The following SPRY3 variants were observed in gnomAD, a reference collection of about 807,000 sequenced individuals.
SPRY3 encodes the protein sprouty RTK signaling antagonist 3.
SPRY3 carries 15 observed loss-of-function variants against 20.2 expected under a neutral mutation model. That is an observed-to-expected ratio of 0.74 (90% CI 0.50 to 1.14). The LOEUF is 1.14. Ranked by LOEUF, SPRY3 falls within the 50% of genes most tolerant of loss-of-function variation. The pLI is 0.00. For synonymous variants in SPRY3, 143 were observed against 136.5 expected, an observed-to-expected ratio of 1.05 and a Z score of -0.33; for missense variants, 364 against 363.9, an observed-to-expected ratio of 1.00 and a Z score of 0.00.
At chrX:155,758,494 C>T (rs1260964337) in intron 2 of SPRY3, among the ~76,000 whole-genome samples, 1 of 152,142 alleles carries the variant, frequency 6.6e-6, no homozygotes, top group Admixed American at 6.5e-5. Flanking sequence ...AATCTATGTT[C>T]CCTTGGCATT....
intron 2 of SPRY3, among the ~76,000 whole-genome samples, chrX:155,746,051 G>A (rs1347238606): frequency 1.3e-5 from 2 of 152,008 alleles, no homozygotes; most frequent in Non-Finnish European, 2.9e-5. Context: ...TGTGCTGCTT[G>A]TTTTGTAATT....
chrX:155,694,164 T>C (rs1312263697), intron 2 of SPRY3, among the ~76,000 whole-genome samples: 1 of 112,221 alleles, frequency 8.9e-6, no homozygotes, highest in African/African-American at 3.2e-5. Flanking sequence ...ACCATTTTAT[T>C]GTTTTATCTT....
At chrX:155,626,115 G>A (rs1557349932) in intron 1 of SPRY3, among the ~76,000 whole-genome samples, 1 of 111,191 alleles carries the variant, frequency 9.0e-6, no homozygotes, top group Non-Finnish European at 1.9e-5. Flanking sequence ...TTGAGGAACT[G>A]CCACACTATT....
chrX:155,707,225 C>T (rs2090958105), intron 2 of SPRY3, among the ~76,000 whole-genome samples: 1 of 151,124 alleles, frequency 6.6e-6, no homozygotes, highest in Non-Finnish European at 1.5e-5. Context: ...TTATAACTTT[C>T]CTTGTGATTT....
At chrX:155,631,849 A>G (rs1683621587) in intron 1 of SPRY3, among the ~76,000 whole-genome samples, 1 of 111,702 alleles carries the variant, frequency 9.0e-6, no homozygotes, top group Non-Finnish European at 1.9e-5. Flanking sequence ...TGATACAGGC[A>G]TGTAATGTGT....
intron 1 of SPRY3, among the ~76,000 whole-genome samples, chrX:155,638,996 C>T (rs978345468): frequency 9.0e-6 from 1 of 111,402 alleles, no homozygotes; most frequent in Non-Finnish European, 1.9e-5. Context: ...TCTATCTCTA[C>T]AGGACTCACT....
rs141218158 is a variant in SPRY3 at position 155,774,146 on chromosome X, C to T, written c.275C>T (p.Thr92Ile). ...ATTGCCAGCTCAATGTCCCATAGCA[C>T]CACTGCCTCTGATCAAAGGCTCTTG... is the stretch of plus-strand genomic sequence containing the variant. The change falls in exon 4 of 4, where the codon ACC (threonine) becomes ATC (isoleucine). Residue 92 changes from threonine to isoleucine, a missense_variant. Physicochemically the swap from Thr to Ile is moderately conservative, Grantham distance 89. Transcript: ENST00000675360. 20 of 1,613,880 alleles carry T rather than the reference C, an allele frequency of 1.2e-5. 1 individual carries two copies. Among genetic ancestry groups the T allele is most frequent in the Non-Finnish European group, 1.6e-5 (19 of 1,179,884 alleles).
chrX:155,774,103 C>G, exon 4 of SPRY3: 1 of 1,614,002 alleles, frequency 6.2e-7, no homozygotes, highest in Non-Finnish European at 8.5e-7. Context: ...CTTGCCTCAG[C>G]ATCTGAGCCA....
chrX:155,680,926 G>A (rs1241029850), intron 2 of SPRY3, among the ~76,000 whole-genome samples: 1 of 111,759 alleles, frequency 8.9e-6, no homozygotes, highest in Non-Finnish European at 1.9e-5. Flanking sequence ...CACTAACTGT[G>A]CCTCTGTAAG....
intron 2 of SPRY3, among the ~76,000 whole-genome samples, chrX:155,713,200 G>A (rs5983765): frequency 1.4e-3 from 206 of 151,924 alleles, no homozygotes; most frequent in African/African-American, 4.6e-3. Context: ...CTATCAACCC[G>A]TCATTATTTA....
chrX:155,683,158 T>C (rs892248326), intron 2 of SPRY3, among the ~76,000 whole-genome samples: 2 of 112,362 alleles, frequency 1.8e-5, no homozygotes, highest in Non-Finnish European at 3.8e-5. Flanking sequence ...CAACAAAGGA[T>C]TTAGAATATT....
At position 155,658,235 on chromosome X, in the gene SPRY3, G is replaced by A. The variant is rs781831376; in HGVS notation, c.-282+1210G>A. 1.3e-3 allele frequency among the ~76,000 whole-genome samples: 149 copies of A among 111,301 alleles called. No homozygotes were observed. In the South Asian group the frequency reaches 0.019, roughly 15 times the overall value. ...TTTTTCTAATTCTGTGGAAAATGAC[G>A]TTGGTAACTTGATAGGAATTACATT... On this transcript the variant is annotated intron_variant, in intron 2 of 3. Coordinates refer to ENST00000675360, the Ensembl canonical transcript of SPRY3.
At chrX:155,766,148 C>T (rs749002777) in intron 2 of SPRY3, among the ~76,000 whole-genome samples, 25 of 152,168 alleles carry the variant, frequency 1.6e-4, no homozygotes, top group African/African-American at 2.2e-4. Context: ...CAGGCATGCA[C>T]GCATGCACAC....
At chrX:155,752,179 T>C (rs1486466532) in intron 2 of SPRY3, among the ~76,000 whole-genome samples, 1 of 151,558 alleles carries the variant, frequency 6.6e-6, no homozygotes, top group Non-Finnish European at 1.5e-5. Context: ...AATATCCTCT[T>C]CCAGGCACCT....
intron 2 of SPRY3, among the ~76,000 whole-genome samples, chrX:155,686,053 C>G (rs1041846790): frequency 2.7e-5 from 3 of 111,846 alleles, no homozygotes; most frequent in Non-Finnish European, 5.6e-5. Context: ...GGATTATAGG[C>G]GTGCACCACT....
intron 2 of SPRY3, among the ~76,000 whole-genome samples, chrX:155,730,916 G>C (rs891514403): frequency 2.6e-5 from 4 of 151,946 alleles, no homozygotes; most frequent in Non-Finnish European, 4.4e-5. Flanking sequence ...ATTTACAATA[G>C]CTACAAGTAA....
chrX:155,659,104 CTTCTTTCTTTCT>C lies in SPRY3; in HGVS notation c.-282+2122_-282+2133del, dbSNP rs199567564. The stretch of plus-strand genomic sequence containing the variant: ...TTTTGCTAGGGTTCTTTTTTTCTTT[CTTCTTTCTTTCT>C]TTCTTTCTTTCTTTCTTTCTTTCTT... On this transcript the variant is annotated intron_variant, in intron 2 of 3. Coordinates refer to ENST00000675360, the Ensembl canonical transcript of SPRY3. Among the ~76,000 whole-genome samples the C allele has an allele frequency of 4.1e-3, 342 of 83,943 alleles. 3 individuals are homozygous for C. Among genetic ancestry groups the C allele is most frequent in the African/African-American group, 7.9e-3 (168 of 21,342 alleles). 72.9% of individuals were successfully genotyped at this position (83,943 alleles called of 115,157 possible). A position where few individuals can be genotyped will look rare whatever the true frequency, so the allele number is the denominator to read the frequency against.
At chrX:155,732,942 G>T (rs1305713439) in intron 2 of SPRY3, among the ~76,000 whole-genome samples, 1 of 151,842 alleles carries the variant, frequency 6.6e-6, no homozygotes, top group Non-Finnish European at 1.5e-5. Flanking sequence ...CTTAGTCATG[G>T]GAGCTAAAAA....
intron 2 of SPRY3, among the ~76,000 whole-genome samples, chrX:155,732,630 C>T (rs2091141180): frequency 1.3e-5 from 2 of 151,970 alleles, no homozygotes; most frequent in Admixed American, 1.3e-4. Context: ...ACCATATGAT[C>T]CAGCAATCCC....
Sources: allele counts gnomAD v4.1 joint callset (sites outside exome capture counted in the v4.1 genomes callset), GRCh38; gene constraint gnomAD v4.1.1; transcripts MANE v1.5; gene names NCBI Gene and HGNC (gene_info 2026-07-23, HGNC 2026-07-21).